KDM2B: variants seen among roughly 807,000 people sequenced by gnomAD.
KDM2B encodes lysine-specific demethylase 2B.
Under a neutral mutation model 150.0 loss-of-function variants are expected in KDM2B, and 26 were observed. The ratio of observed to expected loss-of-function variants is 0.17; its 90% CI spans 0.13 to 0.24. KDM2B has a LOEUF of 0.24. Among genes scored for constraint, KDM2B ranks in the 10% least tolerant of loss-of-function variants. The pLI is 1.00. For missense variants in KDM2B, 1,265 were observed against 1,816.9 expected, an observed-to-expected ratio of 0.70 and a Z score of 5.52; for synonymous variants, 734 against 729.5, an observed-to-expected ratio of 1.01 and a Z score of -0.10.
chr12:121,425,041 G>A (rs1306140027), downstream of KDM2B, among the ~76,000 whole-genome samples: 2 of 152,148 alleles, frequency 1.3e-5, no homozygotes, highest in African/African-American at 4.8e-5. Flanking sequence ...GCCAGGTGTG[G>A]TGGCTCATGC....
chr12:121,574,038 GC>G (rs1293501756), intron 4 of KDM2B, among the ~76,000 whole-genome samples: 1 of 152,140 alleles, frequency 6.6e-6, no homozygotes, highest in African/African-American at 2.4e-5. Context: ...GATCTGAAAT[GC>G]CACCTACTAC....
At chr12:121,422,807 C>T in the KDM2B span, among the ~76,000 whole-genome samples, 3 of 152,178 alleles carry the variant, frequency 2.0e-5, no homozygotes, top group Non-Finnish European at 4.4e-5. Flanking sequence ...AGAGCCAGGA[C>T]GGCCCATCTC....
rs782374455 is a variant in KDM2B, at chr12:121,430,533, G to C, written c.3830-64C>G. 2.6e-5 allele frequency: 31 copies of C among 1,202,368 alleles called. No homozygotes were observed. In the African/African-American group the frequency reaches 4.5e-4, roughly 17 times the overall value. 74.5% of individuals were successfully genotyped at this position (1,202,368 alleles called of 1,614,324 possible). ...GGAGCCAGAAGCCCCCCCGCCGCCAGACCCAGGCACTCAGCAGTGGGGACA... is the reference window on the plus strand; with the variant it reads ...GGAGCCAGAAGCCCCCCCGCCGCCACACCCAGGCACTCAGCAGTGGGGACA... On this transcript the variant is annotated intron_variant, in intron 22 of 22. Coordinates refer to ENST00000377071, the MANE Select transcript of KDM2B (RefSeq NM_032590.5). This position sits in a 1 kb window ranked among gnomAD's most constrained non-coding sequence, Gnocchi z 4.4.
chr12:121,474,052 A>G (rs1881067655), intron 12 of KDM2B, among the ~76,000 whole-genome samples: 1 of 152,204 alleles, frequency 6.6e-6, no homozygotes, highest in Non-Finnish European at 1.5e-5. Context: ...GACAGAAAGC[A>G]GATTAGCGGT....
intron 12 of KDM2B, among the ~76,000 whole-genome samples, chr12:121,458,478 C>A (rs1878611349): frequency 6.7e-6 from 1 of 150,080 alleles, no homozygotes. Flanking sequence ...ATGCAAAAGA[C>A]CTGGAATGGC....
At chr12:121,412,897 A>C in the KDM2B span, among the ~76,000 whole-genome samples, 3 of 149,728 alleles carry the variant, frequency 2.0e-5, no homozygotes, top group African/African-American at 7.4e-5. Flanking sequence ...TTGTATTTTT[A>C]GTAGAGACGG....
intron 22 of KDM2B, among the ~76,000 whole-genome samples, chr12:121,437,571 T>C (rs964143816): frequency 6.6e-6 from 1 of 151,952 alleles, no homozygotes; most frequent in Non-Finnish European, 1.5e-5. Flanking sequence ...TATTTTGAAA[T>C]AGCAGAGGTA....
chr12:121,442,690 C>T lies in KDM2B; in HGVS notation c.2751G>A (p.Ala917=), dbSNP rs1555288839. The T allele has an allele frequency of 1.3e-6, 2 of 1,598,866 alleles. No homozygotes were observed. Among genetic ancestry groups the T allele is most frequent in the Non-Finnish European group, 1.7e-6 (2 of 1,173,248 alleles). Residue 917 remains alanine (A), a synonymous_variant, in exon 19 of 23, where the codon GCG becomes GCA. Coordinates refer to ENST00000377071, the MANE Select transcript of KDM2B (RefSeq NM_032590.5). The surrounding 1 kb of genome is among the most constrained non-coding windows in gnomAD (Gnocchi z 7.7). ...CCTCGGCCCCTTCGGTGCTGGGTCCCGCGGTGGGGGAGCTGGAGCGGGAGT... is the reference window on the plus strand; with the variant it reads ...CCTCGGCCCCTTCGGTGCTGGGTCCTGCGGTGGGGGAGCTGGAGCGGGAGT... ...SDHSRSSSPT[A]GPSTEGAEGP... is the part of the protein sequence containing the mutation.
In KDM2B at chr12:121,545,943, G is replaced by C. The variant is rs562281340; in HGVS notation, c.683+2934C>G. ...ACACACAGCCAGGAAAGCCCTCCCAGTCTTCTTCACCTAAGTAACCCTGCT... is the reference window on the plus strand; with the variant it reads ...ACACACAGCCAGGAAAGCCCTCCCACTCTTCTTCACCTAAGTAACCCTGCT... On this transcript the variant is annotated intron_variant, in intron 6 of 22. Coordinates refer to ENST00000377071, the MANE Select transcript of KDM2B (RefSeq NM_032590.5). 5.3e-5 allele frequency among the ~76,000 whole-genome samples: 8 copies of C among 151,406 alleles called. No homozygotes were observed. The South Asian group carries it at 1.5e-3, about 28-fold the overall frequency.
chr12:121,447,626 G>A (rs1876496444), intron 13 of KDM2B, among the ~76,000 whole-genome samples: 1 of 151,730 alleles, frequency 6.6e-6, no homozygotes, highest in African/African-American at 2.4e-5. Context: ...TTTTCTTTTG[G>A]AAAATGTAAT....
In KDM2B at chr12:121,441,210, G is replaced by A. The variant is rs201636327; in HGVS notation, c.3308C>T (p.Thr1103Ile). Reference protein sequence around the residue: ...NRWCCDKRLWTRIDLNHCKSI... With the variant: ...NRWCCDKRLWIRIDLNHCKSI... Reference sequence around the variant, plus strand: ...CTTGCAGTGGTTCAGGTCAATGCGGGTCCACAACCGCTTATCGCAGCACCT... The same window carrying A: ...CTTGCAGTGGTTCAGGTCAATGCGGATCCACAACCGCTTATCGCAGCACCT... Residue 1103 changes from threonine (T) to isoleucine (I), a missense_variant, in exon 20 of 23, where the codon ACC becomes ATC. By Grantham distance (89) the Thr-to-Ile change is moderately conservative. Coordinates refer to ENST00000377071, the MANE Select transcript of KDM2B (RefSeq NM_032590.5). 2.0e-5 allele frequency: 32 copies of A among 1,613,998 alleles called. No homozygotes were observed. The highest frequency in any genetic ancestry group is 2.3e-5 in the Non-Finnish European group (27 of 1,180,006).
chr12:121,486,696 G>T (rs1347099779), intron 12 of KDM2B, among the ~76,000 whole-genome samples: 2 of 152,084 alleles, frequency 1.3e-5, no homozygotes, highest in Non-Finnish European at 2.9e-5. Flanking sequence ...TGAGGCAGGA[G>T]AATTACCTGA....
chr12:121,411,712 T>C, the KDM2B span, among the ~76,000 whole-genome samples: 1 of 152,212 alleles, frequency 6.6e-6, no homozygotes, highest in African/African-American at 2.4e-5. Flanking sequence ...TTGTCAGTCA[T>C]ACCATGGTGG....
intron 11 of KDM2B, among the ~76,000 whole-genome samples, chr12:121,509,062 C>T (rs74316516): frequency 0.049 from 7,416 of 151,956 alleles, 254 homozygotes; most frequent in Middle Eastern, 0.086. Context: ...TCCTCTACAG[C>T]TCTTTTGTTT....
At chr12:121,562,707 G>A (rs782719176) in intron 4 of KDM2B, among the ~76,000 whole-genome samples, 8 of 151,270 alleles carry the variant, frequency 5.3e-5, no homozygotes, top group Non-Finnish European at 8.8e-5. Flanking sequence ...AGAGGGGGGA[G>A]GAGGAGGGGA....
chr12:121,534,434 G>A (rs1310471395), intron 7 of KDM2B, 63 bp downstream of exon 7: 1 of 1,200,150 alleles, frequency 8.3e-7, no homozygotes, highest in Non-Finnish European at 1.2e-6. Flanking sequence ...GGAAAGGTAA[G>A]TGAGCCCCTC....
chr12:121,443,086 CT>C, intron 17 of KDM2B, 56 bp from the exon 18 acceptor site: 4 of 1,490,622 alleles, frequency 2.7e-6, no homozygotes, highest in Non-Finnish European at 3.7e-6. Context: ...GGGATTTGGT[CT>C]CCTCGACACC....
At chr12:121,466,524 C>CGCCGCT (rs1205580974) in intron 12 of KDM2B, among the ~76,000 whole-genome samples, 11 of 151,948 alleles carry the variant, frequency 7.2e-5, no homozygotes, top group African/African-American at 2.4e-4. Flanking sequence ...CCGCCGCCGC[C>CGCCGCT]GCCGCTGCCG....
intron 12 of KDM2B, among the ~76,000 whole-genome samples, chr12:121,485,822 G>A (rs868932485): frequency 1.3e-5 from 2 of 151,790 alleles, no homozygotes; most frequent in South Asian, 4.1e-4. Context: ...TGTCACCCAG[G>A]TTGGAGTGCA....
Sources: allele counts gnomAD v4.1 joint callset (sites outside exome capture counted in the v4.1 genomes callset), GRCh38; gene constraint gnomAD v4.1.1; non-coding constraint Gnocchi (gnomAD v3.1); transcripts MANE v1.5; gene names NCBI Gene and HGNC (gene_info 2026-07-23, HGNC 2026-07-21).